Variants in XIRP1 observed in about 807,000 individuals in gnomAD.
The protein encoded by XIRP1 is xin actin binding repeat containing 1.
For missense variants in XIRP1, 2,378 were observed against 2,345.4 expected (o/e 1.01, Z -0.29); for synonymous variants, 984 against 947.0 (o/e 1.04, Z -0.72).
At position 39,188,110 on chromosome 3, in the gene XIRP1, C is replaced by CTTAAAAA. The variant is rs1222077767; in HGVS notation, c.1335_1336insTTTTTAA (p.Glu446PhefsTer14). On this transcript the variant is annotated frameshift_variant, in exon 2 of 2. Transcript: ENST00000340369. LOFTEE classifies it low-confidence loss of function (END_TRUNC). The stretch of plus-strand genomic sequence containing the variant: ...CCAATGCTGTCCAAGGGAAGGGTCT[C>CTTAAAAA]AAAAAGGTTCTTAAAAGTCTTCACA... The CTTAAAAA allele has an allele frequency of 3.7e-6, 6 of 1,614,174 alleles. No homozygotes were observed. The highest frequency in any genetic ancestry group is 5.1e-6 in the Non-Finnish European group (6 of 1,180,036).
Position 39,184,528 on chromosome 3 carries a change from T to C in XIRP1, c.4918A>G (p.Thr1640Ala). The C allele has an allele frequency of 6.2e-7, 1 of 1,613,846 alleles. No individual in the cohort carries two copies. Among genetic ancestry groups the C allele is most frequent in the South Asian group, 1.1e-5 (1 of 91,088 alleles). Residue 1640 changes from threonine (T) to alanine (A), a missense_variant, in exon 2 of 2, where the codon ACT becomes GCT. Coordinates refer to ENST00000340369, the MANE Select transcript of XIRP1 (RefSeq NM_194293.4). ...HTEARGHTAS[T>A]APSTRRQETS... The stretch of plus-strand genomic sequence containing the variant: ...TCCTGCCTCCTGGTGGAAGGGGCAG[T>C]TGAGGCTGTGTGACCTCTGGCCTCT...
Position 39,189,364 on chromosome 3 carries a change from G to A in XIRP1, c.82C>T (p.Pro28Ser). ...GGCAGTGGCAGGTCCTCCAGGGCTG[G>A]GGGTGGAGGGAGGGGCAGGTCCTCT... The part of the protein sequence containing the change: ...TAEDLPLPPP[P>S]ALEDLPLPPP... Residue 28 changes from proline (P) to serine (S), a missense_variant, in exon 2 of 2, where the codon CCA becomes TCA. By Grantham distance (74) the Pro-to-Ser change is moderately conservative. Coordinates refer to ENST00000340369, the MANE Select transcript of XIRP1 (RefSeq NM_194293.4). 1 of 1,612,734 alleles carries A rather than the reference G, an allele frequency of 6.2e-7. No homozygotes were observed.
At chr3:39,189,941 C>G (rs2040064784) in intron 1 of XIRP1, among the ~76,000 whole-genome samples, 1 of 152,178 alleles carries the variant, frequency 6.6e-6, no homozygotes, top group East Asian at 1.9e-4. Flanking sequence ...AAACTGGTGA[C>G]TGATTTCCTA....
In XIRP1 at chr3:39,186,181, TG is replaced by T; in HGVS notation, c.3264del (p.Ile1089SerfsTer15). ...QGPTPTATSN[P>X]IQDGLRKAGA... Reference sequence around the variant, plus strand: ...CCAGCTTTCCGAAGACCGTCCTGGATGGGGTTGGAAGTGGCTGTTGGGGTGG... The same window carrying T: ...CCAGCTTTCCGAAGACCGTCCTGGATGGGTTGGAAGTGGCTGTTGGGGTGG... On this transcript the variant is annotated frameshift_variant, in exon 2 of 2. Coordinates refer to ENST00000340369, the MANE Select transcript of XIRP1 (RefSeq NM_194293.4). LOFTEE classifies it low-confidence loss of function (END_TRUNC). 6.2e-7 allele frequency: 1 copy of T among 1,613,848 alleles called. No homozygotes were observed. The highest frequency in any genetic ancestry group is 8.5e-7 in the Non-Finnish European group (1 of 1,179,898).
At position 39,184,662 on chromosome 3, in the gene XIRP1, C is replaced by G; in HGVS notation, c.4784G>C (p.Arg1595Thr). 1.9e-6 allele frequency: 3 copies of G among 1,614,082 alleles called. No homozygotes were observed. The highest frequency in any genetic ancestry group is 2.5e-6 in the Non-Finnish European group (3 of 1,179,982). The change falls in exon 2 of 2, where the codon AGG becomes ACG. Residue 1595 changes from arginine to threonine, a missense_variant. Coordinates refer to ENST00000340369, the MANE Select transcript of XIRP1 (RefSeq NM_194293.4). ...KISVTVSSSA[R>T]PSGSGQEVGG... ...GACCTCCTGGCCTGAGCCACTGGGC[C>G]TGGCGCTACTGCTGACTGTGACACT...
chr3:39,185,421 A>G lies in XIRP1; in HGVS notation c.4025T>C (p.Leu1342Pro). The change falls in exon 2 of 2, where the codon CTG becomes CCG. Residue 1342 changes from leucine to proline, a missense_variant. Transcript: ENST00000340369. ...HLTQSHPPQR[L>P]PKPLPLSPSF... Reference sequence around the variant, plus strand: ...GGGAGATAGAGGCAAGGGCTTGGGCAGCCTCTGAGGAGGGTGGCTCTGGGT... The same window carrying G: ...GGGAGATAGAGGCAAGGGCTTGGGCGGCCTCTGAGGAGGGTGGCTCTGGGT... 1.9e-6 allele frequency: 3 copies of G among 1,612,582 alleles called. No individual in the cohort carries two copies. The highest frequency in any genetic ancestry group is 2.5e-6 in the Non-Finnish European group (3 of 1,179,136).
Position 39,186,870 on chromosome 3 carries a change from G to C in XIRP1, c.2576C>G (p.Pro859Arg). 2 of 1,613,878 alleles carry C rather than the reference G, an allele frequency of 1.2e-6. No individual in the cohort carries two copies. The highest frequency in any genetic ancestry group is 1.7e-6 in the Non-Finnish European group (2 of 1,179,892). The change falls in exon 2 of 2, where the codon CCG becomes CGG. Residue 859 changes from proline to arginine, a missense_variant. By Grantham distance (103) the Pro-to-Arg change is moderately radical. Coordinates refer to ENST00000340369, the MANE Select transcript of XIRP1 (RefSeq NM_194293.4). The part of the protein sequence containing the change: ...EDPTGQLQLK[P>R]LRLPTPGSSG... The stretch of plus-strand genomic sequence containing the variant: ...GCTGCCTGGAGTTGGCAGCCTCAGC[G>C]GCTTGAGTTGGAGCTGGCCAGTTGG...
chr3:39,183,601 G>C lies in XIRP1; in HGVS notation c.*313C>G, dbSNP rs1262923678. ...AGTGGTGTGCAAATTCACACATGTC[G>C]ATGCGTGGGCCAGGCCTGTGTGAAA... On this transcript the variant is annotated 3_prime_UTR_variant, in exon 2 of 2. Transcript: ENST00000340369. 3.1e-6 allele frequency: 1 copy of C among 326,496 alleles called. No homozygotes were observed. The highest frequency in any genetic ancestry group is 2.1e-5 in the African/African-American group (1 of 46,592). 20.2% of individuals were successfully genotyped at this position (326,496 alleles called of 1,614,324 possible).
Position 39,185,252 on chromosome 3 carries a change from G to T in XIRP1, c.4194C>A (p.Ser1398Arg), listed in dbSNP as rs745514449. ...ARCPSGHSQP[S>R]LQHGLSTTAP... Reference sequence around the variant, plus strand: ...CCGTGGTGCTGAGGCCATGTTGTAAGCTGGGCTGGCTATGTCCACTGGGAC... The same window carrying T: ...CCGTGGTGCTGAGGCCATGTTGTAATCTGGGCTGGCTATGTCCACTGGGAC... The change falls in exon 2 of 2, where the codon AGC becomes AGA. Residue 1398 changes from serine (S) to arginine (R), a missense_variant. Coordinates refer to ENST00000340369, the MANE Select transcript of XIRP1 (RefSeq NM_194293.4). 5.6e-6 allele frequency: 9 copies of T among 1,614,222 alleles called. No individual in the cohort carries two copies. The highest frequency in any genetic ancestry group is 6.8e-6 in the Non-Finnish European group (8 of 1,180,044).
chr3:39,188,398 C>G lies in XIRP1; in HGVS notation c.1048G>C (p.Glu350Gln), dbSNP rs775823156. 5.0e-6 allele frequency: 8 copies of G among 1,611,540 alleles called. No individual in the cohort carries two copies. Among genetic ancestry groups the G allele is most frequent in the Middle Eastern group, 1.7e-4 (1 of 6,056 alleles). ...TTCAGAGTGTCCAGCGCTCGGGTCT[C>G]AAACAGATGCTGCTGCTGCTGAACA... ...PDVQQQQHLF[E>Q]TRALDTLKGD... Residue 350 changes from glutamate to glutamine, a missense_variant, in exon 2 of 2, where the codon GAG becomes CAG. Transcript: ENST00000340369.
Position 39,184,648 on chromosome 3 carries a change from CTG to C in XIRP1, c.4796_4797del (p.Ser1599TrpfsTer17). The C allele has an allele frequency of 6.2e-7, 1 of 1,613,898 alleles. No homozygotes were observed. Among genetic ancestry groups the C allele is most frequent in the East Asian group, 2.2e-5 (1 of 44,858 alleles). Reference sequence around the variant, plus strand: ...GCAGTTTGACCTCCGACCTCCTGGCCTGAGCCACTGGGCCTGGCGCTACTGCT... The same window carrying C: ...GCAGTTTGACCTCCGACCTCCTGGCCAGCCACTGGGCCTGGCGCTACTGCT... ...TVSSSARPSG[S>X]GQEVGGQTAV... On this transcript the variant is annotated frameshift_variant, in exon 2 of 2. Transcript: ENST00000340369. LOFTEE classifies it low-confidence loss of function (END_TRUNC).
rs2039959634 is a variant in XIRP1 at position 39,185,865 on chromosome 3, TC to T, written c.3580del (p.Glu1194ArgfsTer33). On this transcript the variant is annotated frameshift_variant, in exon 2 of 2. Coordinates refer to ENST00000340369, the MANE Select transcript of XIRP1 (RefSeq NM_194293.4). LOFTEE classifies it low-confidence loss of function (END_TRUNC). ...GPGQSTGPGREEPGGCTQMAW... is the reference protein window; with the variant it reads ...GPGQSTGPGRXEPGGCTQMAW... Reference sequence around the variant, plus strand: ...CATCTGTGTGCAGCCCCCAGGCTCCTCCCGCCCTGGCCCAGTACTCTGACCT... The same window carrying T: ...CATCTGTGTGCAGCCCCCAGGCTCCTCCGCCCTGGCCCAGTACTCTGACCT... 12 of 1,613,356 alleles carry T rather than the reference TC, an allele frequency of 7.4e-6. No homozygotes were observed. The East Asian group carries it at 2.7e-4, about 36-fold the overall frequency.
Position 39,184,294 on chromosome 3 carries a change from T to A in XIRP1, c.5152A>T (p.Lys1718Ter), listed in dbSNP as rs1437217130. ...ALLHQKGVQD[K>*]TGKKDITQCS... ...TGGGTGATGTCCTTCTTCCCAGTTT[T>A]GTCTTGGACACCTTTCTGGTGGAGC... The change falls in exon 2 of 2, where the codon AAA becomes TAA. Residue 1718 changes from lysine (K) to a stop codon, truncating the protein, a stop_gained. Transcript: ENST00000340369. LOFTEE classifies it low-confidence loss of function (END_TRUNC). 2.5e-6 allele frequency: 4 copies of A among 1,614,202 alleles called. No homozygotes were observed. The Admixed American group carries it at 6.7e-5, about 27-fold the overall frequency.
chr3:39,185,366 TTC>T lies in XIRP1; in HGVS notation c.4078_4079del (p.Glu1360ThrfsTer5). Reference protein sequence around the residue: ...PSFSSEVGQREHQRGERDTAI... With the variant: ...PSFSSEVGQRXHQRGERDTAI... ...CTGTATCTCTCTCACCTCGTTGGTG[TTC>T]TCTTTGCCCCACCTCCGAGGAAAAG... On this transcript the variant is annotated frameshift_variant, in exon 2 of 2. Transcript: ENST00000340369. LOFTEE classifies it low-confidence loss of function (END_TRUNC). 1.2e-6 allele frequency: 2 copies of T among 1,614,150 alleles called. No homozygotes were observed. Among genetic ancestry groups the T allele is most frequent in the Non-Finnish European group, 1.7e-6 (2 of 1,180,032 alleles).
Position 39,187,635 on chromosome 3 carries a change from C to G in XIRP1, c.1811G>C (p.Ser604Thr). 1 of 1,614,102 alleles carries G rather than the reference C, an allele frequency of 6.2e-7. No individual in the cohort carries two copies. Among genetic ancestry groups the G allele is most frequent in the Non-Finnish European group, 8.5e-7 (1 of 1,180,038 alleles). The change falls in exon 2 of 2, where the codon AGT (serine) becomes ACT (threonine). Residue 604 changes from serine to threonine, a missense_variant. Ser to Thr is a moderately conservative substitution (Grantham distance 58, BLOSUM62 1). Coordinates refer to ENST00000340369, the MANE Select transcript of XIRP1 (RefSeq NM_194293.4). ...TGACCCCTGCTTTTCGGCCAACTCA[C>G]TCATTGGGCAAGTCTCGAACAACCA... ...IRWLFETCPMSELAEKQGSEV... is the reference protein window; with the variant it reads ...IRWLFETCPMTELAEKQGSEV...
chr3:39,188,728 G>A lies in XIRP1; in HGVS notation c.718C>T (p.Leu240=). The A allele has an allele frequency of 6.2e-7, 1 of 1,613,704 alleles. No individual in the cohort carries two copies. ...CCCTCTGCATCCTGGATGGCACACA[G>A]GGGCTCCGTTTGGAAGAGCTTCACT... ...KTVKLFQTEP[L]CAIQDAEGAI... is the part of the protein sequence containing the mutation. Residue 240 remains leucine (L), a synonymous_variant, in exon 2 of 2, where the codon CTG becomes TTG. Coordinates refer to ENST00000340369, the MANE Select transcript of XIRP1 (RefSeq NM_194293.4).
chr3:39,188,836 C>A lies in XIRP1; in HGVS notation c.610G>T (p.Gly204Cys), dbSNP rs1228418026. 6.2e-7 allele frequency: 1 copy of A among 1,612,716 alleles called. No individual in the cohort carries two copies. The highest frequency in any genetic ancestry group is 1.7e-5 in the Admixed American group (1 of 60,026). The change falls in exon 2 of 2, where the codon GGC (glycine) becomes TGC (cysteine). Residue 204 changes from glycine to cysteine, a missense_variant. Gly to Cys is a radical substitution (Grantham distance 159). Coordinates refer to ENST00000340369, the MANE Select transcript of XIRP1 (RefSeq NM_194293.4). ...TGCTCCTGCAGGGAGGGGCGGGAGC[C>A]CAGGCGGTCCAGCGGCCGCGTCTCA... ...LFETRPLDRLGSRPSLQEQSP... is the reference protein window; with the variant it reads ...LFETRPLDRLCSRPSLQEQSP...
chr3:39,191,371 C>G (rs918207009), intron 1 of XIRP1, among the ~76,000 whole-genome samples: 3 of 150,910 alleles, frequency 2.0e-5, no homozygotes, highest in African/African-American at 7.3e-5. Flanking sequence ...ACCCCCGCCC[C>G]CAGGAATTTC....
At chr3:39,190,362 C>T (rs910988781) in intron 1 of XIRP1, among the ~76,000 whole-genome samples, 1 of 152,036 alleles carries the variant, frequency 6.6e-6, no homozygotes, top group African/African-American at 2.4e-5. Flanking sequence ...TAGGGCATGG[C>T]CCCAAGAAAT....
Sources: gnomAD v4.1 joint callset for allele counts (sites outside exome capture counted in the v4.1 genomes callset) on GRCh38, gnomAD v4.1.1 for gene constraint, MANE v1.5 for transcripts, NCBI Gene and HGNC (gene_info 2026-07-23, HGNC 2026-07-21) for gene names.